Variants in LRP1B observed in about 807,000 individuals in gnomAD.
LRP1B encodes the protein LDL receptor related protein 1B.
In LRP1B, 217 loss-of-function variants were observed where a neutral mutation model predicts 556.6. The observed-to-expected ratio is 0.39, with a 90% CI of 0.35 to 0.44. LRP1B has a LOEUF of 0.44. Among genes scored for constraint, LRP1B ranks in the 20% least tolerant of loss-of-function variants. The probability of loss-of-function intolerance (pLI) is 1.00; values close to 1 mark genes in which losing one functional copy is unlikely to be tolerated. For synonymous variants in LRP1B, 2,047 were observed against 1,865.8 expected (o/e 1.10, Z -2.50); for missense variants, 5,053 against 5,620.8 (o/e 0.90, Z 3.23).
intron 3 of LRP1B, among the ~76,000 whole-genome samples, chr2:141,413,496 G>C (rs562709634): frequency 6.6e-6 from 1 of 152,136 alleles, no homozygotes; most frequent in Non-Finnish European, 1.5e-5. Context: ...AATGCAGCCC[G>C]GCCAACACCA....
chr2:141,691,961 A>G (rs762435856), intron 2 of LRP1B, among the ~76,000 whole-genome samples: 1 of 151,984 alleles, frequency 6.6e-6, no homozygotes, highest in African/African-American at 2.4e-5. Flanking sequence ...CTCAGCAAAC[A>G]TCATGAATAT....
intron 2 of LRP1B, among the ~76,000 whole-genome samples, chr2:141,684,246 A>G (rs1397468075): frequency 6.6e-6 from 1 of 152,266 alleles, no homozygotes; most frequent in African/African-American, 2.4e-5. Flanking sequence ...AATGTGGCAC[A>G]TATACACCGT....
chr2:140,791,727 G>A (rs1332482243), intron 32 of LRP1B, among the ~76,000 whole-genome samples: 1 of 152,138 alleles, frequency 6.6e-6, no homozygotes, highest in African/African-American at 2.4e-5. Context: ...ATTTTTTACT[G>A]CTAAGTTTCT....
chr2:140,748,136 T>TAAAA (rs1553521663), intron 35 of LRP1B, among the ~76,000 whole-genome samples: 10 of 35,672 alleles, frequency 2.8e-4, no homozygotes, highest in Non-Finnish European at 3.9e-4. Context: ...TATATATATA[T>TAAAA]AATTCATATA....
intron 3 of LRP1B, among the ~76,000 whole-genome samples, chr2:141,364,914 G>A (rs1366288743): frequency 1.3e-5 from 2 of 152,142 alleles, no homozygotes; most frequent in African/African-American, 4.8e-5. Context: ...TTAAAAATTT[G>A]TAGTTACTTG....
chr2:140,245,447 A>AT (rs1262241578), intron 87 of LRP1B, among the ~76,000 whole-genome samples: 3 of 151,388 alleles, frequency 2.0e-5, no homozygotes, highest in East Asian at 1.9e-4. Flanking sequence ...GTTTTAAAAA[A>AT]TTTTTTAAAT....
chr2:141,467,844 G>T (rs912187099), intron 3 of LRP1B, among the ~76,000 whole-genome samples: 1 of 137,760 alleles, frequency 7.3e-6, no homozygotes, highest in African/African-American at 2.6e-5. Flanking sequence ...CGGACCGGGG[G>T]GGGGGGAATT....
rs2105429056 is a variant in LRP1B at position 140,702,278 on chromosome 2, G to A, written c.6165C>T (p.Tyr2055=). 6.2e-7 allele frequency: 1 copy of A among 1,613,204 alleles called. No homozygotes were observed. Among genetic ancestry groups the A allele is most frequent in the South Asian group, 1.1e-5 (1 of 90,976 alleles). ...ISIDYEENKL[Y]WCDARTDKIE... ...TCTTGTCTGTGCGAGCATCACACCA[G>A]TACAATTTATTTTCCTAAATATCGA... The change falls in exon 39 of 91, where the codon TAC becomes TAT. Residue 2055 remains tyrosine, a synonymous_variant. Coordinates refer to ENST00000389484, the MANE Select transcript of LRP1B (RefSeq NM_018557.3).
At chr2:140,483,267 T>C (rs1004226923) in intron 59 of LRP1B, among the ~76,000 whole-genome samples, 2 of 152,110 alleles carry the variant, frequency 1.3e-5, no homozygotes, top group Non-Finnish European at 2.9e-5. Flanking sequence ...CTGTGCTATT[T>C]TAATTGACAC....
chr2:142,123,254 A>G (rs924811078), intron 1 of LRP1B, among the ~76,000 whole-genome samples: 3 of 152,036 alleles, frequency 2.0e-5, no homozygotes, highest in Non-Finnish European at 4.4e-5. Context: ...TTTTAAGAAG[A>G]AAGGGCTAAG....
intron 60 of LRP1B, among the ~76,000 whole-genome samples, chr2:140,468,783 T>C (rs917337534): frequency 2.6e-5 from 4 of 152,248 alleles, no homozygotes; most frequent in African/African-American, 7.2e-5. Context: ...AAAGATTATC[T>C]TGGAGCCTTA....
At chr2:141,232,968 T>G (rs1683525730) in intron 5 of LRP1B, among the ~76,000 whole-genome samples, 1 of 152,206 alleles carries the variant, frequency 6.6e-6, no homozygotes, top group East Asian at 1.9e-4. Flanking sequence ...GGCAAAAATG[T>G]AATCTATCTC....
At chr2:141,207,266 T>C (rs1196455450) in intron 6 of LRP1B, among the ~76,000 whole-genome samples, 3 of 152,220 alleles carry the variant, frequency 2.0e-5, no homozygotes, top group Non-Finnish European at 4.4e-5. Flanking sequence ...TTAGAAAAAT[T>C]ATTCTCTCAG....
chr2:141,962,299 G>GA (rs917091066), intron 1 of LRP1B, among the ~76,000 whole-genome samples: 1 of 151,676 alleles, frequency 6.6e-6, no homozygotes, highest in African/African-American at 2.4e-5. Flanking sequence ...ACATGTGGGG[G>GA]AAAAATAAGT....
intron 7 of LRP1B, among the ~76,000 whole-genome samples, chr2:141,167,930 TA>T (rs1473573054): frequency 9.2e-5 from 14 of 151,974 alleles, no homozygotes; most frequent in African/African-American, 3.1e-4. Context: ...GGCTTTGGAG[TA>T]CATGCCTATA....
intron 1 of LRP1B, among the ~76,000 whole-genome samples, chr2:141,940,391 A>T (rs1414416850): frequency 6.6e-6 from 1 of 152,210 alleles, no homozygotes; most frequent in Non-Finnish European, 1.5e-5. Flanking sequence ...CAAAGGACTC[A>T]TAAACATCTA....
At chr2:140,768,098 G>A (rs929391122) in intron 35 of LRP1B, among the ~76,000 whole-genome samples, 2 of 151,810 alleles carry the variant, frequency 1.3e-5, no homozygotes, top group Non-Finnish European at 2.9e-5. Flanking sequence ...ATACTTCTTT[G>A]TATTTCCTTT....
intron 28 of LRP1B, among the ~76,000 whole-genome samples, chr2:140,850,825 A>AT (rs562497848): frequency 6.3e-4 from 96 of 151,944 alleles, no homozygotes; most frequent in South Asian, 6.0e-3. Context: ...CTTTTAGTGT[A>AT]TTTTTTTTGT....
intron 2 of LRP1B, among the ~76,000 whole-genome samples, chr2:141,651,517 G>A (rs1339300881): frequency 6.6e-6 from 1 of 151,974 alleles, no homozygotes; most frequent in African/African-American, 2.4e-5. Context: ...TACAAAAATT[G>A]GCCAGGTGTT....
Sources: gnomAD v4.1 joint callset for allele counts (sites outside exome capture counted in the v4.1 genomes callset) on GRCh38, gnomAD v4.1.1 for gene constraint, MANE v1.5 for transcripts, NCBI Gene and HGNC (gene_info 2026-07-23, HGNC 2026-07-21) for gene names.